Variants in RAB37 observed in about 807,000 individuals in gnomAD.
RAB37 encodes ras-related protein Rab-37.
Under a neutral mutation model 33.1 loss-of-function variants are expected in RAB37, and 29 were observed. The ratio of observed to expected loss-of-function variants is 0.88; its 90% confidence interval spans 0.65 to 1.20. The LOEUF (loss-of-function observed/expected upper bound fraction) is 1.20, where lower values mean the gene tolerates loss of function less well. Among genes scored for constraint, RAB37 ranks in the 50% most tolerant of loss-of-function variants. The pLI, the probability that RAB37 is intolerant of heterozygous loss-of-function variation, is 0.00. For synonymous variants in RAB37, 128 were observed against 119.5 expected, an observed-to-expected ratio of 1.07 and a Z score of -0.47; for missense variants, 299 against 301.1, an observed-to-expected ratio of 0.99 and a Z score of 0.05.
intron 1 of RAB37, chr17:74,695,984 T>TG: frequency 1.5e-6 from 2 of 1,297,312 alleles, no homozygotes; most frequent in Non-Finnish European, 2.1e-6. Context: ...TTTCCCTCCG[T>TG]GTCCTCCACT....
chr17:74,695,342 G>A (rs934073471), intron 1 of RAB37: 80 of 1,475,192 alleles, frequency 5.4e-5, no homozygotes, highest in Non-Finnish European at 7.0e-5. Context: ...AGTGGGGATG[G>A]ACCATTCAGG....
intron 1 of RAB37, among the ~76,000 whole-genome samples, chr17:74,699,744 C>T (rs1038644013): frequency 1.2e-4 from 18 of 152,136 alleles, no homozygotes; most frequent in African/African-American, 4.3e-4. Context: ...CCACTCGTAA[C>T]GGCGGCCACA....
chr17:74,696,130 T>C (rs1251054690), intron 1 of RAB37: 5 of 1,555,724 alleles, frequency 3.2e-6, no homozygotes, highest in East Asian at 4.5e-5. Flanking sequence ...TTCTGAGAGA[T>C]GGAAAATGAG....
At chr17:74,696,446 C>G (rs1325445411) in intron 1 of RAB37, among the ~76,000 whole-genome samples, 1 of 152,196 alleles carries the variant, frequency 6.6e-6, no homozygotes, top group Non-Finnish European at 1.5e-5. Context: ...CACCCCAGCC[C>G]CCTGCTCCCC....
intron 1 of RAB37, among the ~76,000 whole-genome samples, chr17:74,683,475 G>A (rs1475200778): frequency 6.6e-6 from 1 of 152,194 alleles, no homozygotes; most frequent in Non-Finnish European, 1.5e-5. Flanking sequence ...TGAGAAGTGA[G>A]GCAGAAAAGC....
upstream of RAB37, chr17:74,736,740 G>A (rs1033309834): frequency 7.2e-6 from 11 of 1,535,682 alleles, no homozygotes; most frequent in South Asian, 1.2e-5. Flanking sequence ...AGGCGAGTAC[G>A]GGTTGGTAAA....
At chr17:74,740,638 C>T in intron 1 of RAB37, 130 bp from the exon 2 acceptor site, 1 of 707,262 alleles carries the variant, frequency 1.4e-6, no homozygotes, top group South Asian at 1.6e-5. Context: ...TTTCTGGAAG[C>T]AGGTGGCCTT....
chr17:74,696,019 C>A (rs907448152), intron 1 of RAB37, among the ~76,000 whole-genome samples: 1 of 152,184 alleles, frequency 6.6e-6, no homozygotes, highest in Non-Finnish European at 1.5e-5. Context: ...ACCCCTCAGC[C>A]CTTGTCCCCC....
At chr17:74,688,653 G>A (rs1264250729) in intron 1 of RAB37, among the ~76,000 whole-genome samples, 3 of 151,962 alleles carry the variant, frequency 2.0e-5, no homozygotes, top group Non-Finnish European at 4.4e-5. Context: ...AAAGAGAACG[G>A]TTATCTCTAC....
chr17:74,705,126 T>C (rs1267559438), intron 1 of RAB37: 1 of 678,976 alleles, frequency 1.5e-6, no homozygotes, highest in African/African-American at 1.8e-5. Flanking sequence ...TCAAGGAATG[T>C]CCTTTTGCAG....
intron 1 of RAB37, among the ~76,000 whole-genome samples, chr17:74,706,759 G>T (rs1215494023): frequency 6.6e-6 from 1 of 152,202 alleles, no homozygotes; most frequent in Non-Finnish European, 1.5e-5. Flanking sequence ...GAGACCCTGG[G>T]AAGGGGTGAG....
At chr17:74,736,993 A>ACC (rs2034487547), upstream of RAB37, 18 of 1,589,408 alleles carry the variant, frequency 1.1e-5, no homozygotes, top group Non-Finnish European at 1.2e-5. Context: ...ACCACAGGGG[A>ACC]CCGGTCCCGG....
rs1441287571 is a variant in RAB37 at position 74,742,657 on chromosome 17, G to A, written c.246+362G>A. 6.7e-6 allele frequency among the ~76,000 whole-genome samples: 1 copy of A among 149,678 alleles called. No individual in the cohort carries two copies. Among genetic ancestry groups the A allele is most frequent in the East Asian group, 2.0e-4 (1 of 5,116 alleles). On this transcript the variant is annotated intron_variant, in intron 3 of 8. Coordinates refer to ENST00000392613, the MANE Select transcript of RAB37 (RefSeq NM_001006638.3). This position sits in a 1 kb window ranked among gnomAD's most constrained non-coding sequence, Gnocchi z 4.0. Reference sequence around the variant, plus strand: ...CTTTTTTTTTTTGAGATGGAGTCTCGCTCTGTCGCCCAGGCTGGAGTGCAG... The same window carrying A: ...CTTTTTTTTTTTGAGATGGAGTCTCACTCTGTCGCCCAGGCTGGAGTGCAG...
Position 74,729,129 on chromosome 17 carries a change from C to CTGTGTG in RAB37, c.73-118_73-113dup. On this transcript the variant is annotated intron_variant, in intron 1 of 7. Transcript: ENST00000340415. The surrounding 1 kb of genome is among the most constrained non-coding windows in gnomAD (Gnocchi z 4.2). ...GTCAGTGTCTTGTGTGTGTGTGTTT[C>CTGTGTG]TGTGTGTGTGTGTGCATGTTGTGCA... 1.5e-6 allele frequency: 1 copy of CTGTGTG among 686,270 alleles called. No homozygotes were observed. The highest frequency in any genetic ancestry group is 2.4e-4 in the Middle Eastern group (1 of 4,132). The allele number at this position is 686,270 out of a possible 1,614,324, so 42.5% of individuals were successfully genotyped here.
intron 1 of RAB37, among the ~76,000 whole-genome samples, chr17:74,678,725 A>T (rs967764902): frequency 7.9e-5 from 12 of 152,060 alleles, no homozygotes. Flanking sequence ...ACATGCACAC[A>T]TACGCACCCT....
At chr17:74,732,776 G>A (rs2034407971), upstream of RAB37, among the ~76,000 whole-genome samples, 1 of 25,026 alleles carries the variant, frequency 4.0e-5, no homozygotes, top group Non-Finnish European at 9.8e-5. Context: ...TTTGAGGGGT[G>A]AGGTGTGTGT....
chr17:74,713,186 T>TC (rs1428342292), intron 1 of RAB37, among the ~76,000 whole-genome samples: 1 of 151,758 alleles, frequency 6.6e-6, no homozygotes, highest in Non-Finnish European at 1.5e-5. Context: ...ACACCTGTAG[T>TC]CCCAGCTACT....
chr17:74,705,346 T>A, intron 1 of RAB37: 1 of 670,228 alleles, frequency 1.5e-6, no homozygotes, highest in Non-Finnish European at 2.8e-6. Flanking sequence ...TTGAAGTTGA[T>A]CAAAACAGCA....
At chr17:74,728,603 ATGTT>A (rs1460222879) in intron 1 of RAB37, among the ~76,000 whole-genome samples, 1 of 144,844 alleles carries the variant, frequency 6.9e-6, no homozygotes, top group Non-Finnish European at 1.5e-5. Context: ...GTATGTGTGT[ATGTT>A]TATGTGTGTG....
Sources: gnomAD v4.1 joint callset for allele counts (sites outside exome capture counted in the v4.1 genomes callset) on GRCh38, gnomAD v4.1.1 for gene constraint, Gnocchi (gnomAD v3.1) non-coding constraint, MANE v1.5 for transcripts, NCBI Gene and HGNC (gene_info 2026-07-23, HGNC 2026-07-21) for gene names.